The following PAG1 variants were observed in gnomAD, a reference collection of about 807,000 sequenced individuals.
PAG1 encodes the protein phosphoprotein membrane anchor with glycosphingolipid microdomains 1, also known as phosphoprotein associated with glycosphingolipid-enriched microdomains 1.
Under a neutral mutation model 31.7 loss-of-function variants are expected in PAG1, and 23 were observed. The observed-to-expected ratio is 0.73, with a 90% CI of 0.52 to 1.03. The LOEUF (loss-of-function observed/expected upper bound fraction) is 1.03, where lower values mean the gene tolerates loss of function less well. Ranked by LOEUF, PAG1 falls within the 50% of genes least tolerant of loss-of-function variation. The probability of loss-of-function intolerance (pLI) is 0.00; values close to 1 mark genes in which losing one functional copy is unlikely to be tolerated. For synonymous variants in PAG1, 214 were observed against 210.3 expected, an observed-to-expected ratio of 1.02 and a Z score of -0.15; for missense variants, 473 against 540.7, an observed-to-expected ratio of 0.87 and a Z score of 1.24.
intron 3 of PAG1, among the ~76,000 whole-genome samples, chr8:80,997,926 CTTG>C (rs1053240043): frequency 9.2e-5 from 14 of 152,248 alleles, no homozygotes; most frequent in Non-Finnish European, 1.5e-4. Context: ...ACTGTGAGAA[CTTG>C]TTGTTTAGCC....
intron 3 of PAG1, among the ~76,000 whole-genome samples, chr8:80,998,274 C>T (rs774973664): frequency 1.3e-5 from 2 of 152,016 alleles, no homozygotes; most frequent in South Asian, 2.1e-4. Flanking sequence ...GGACTTCAGG[C>T]GCGCGCCACC....
intron 2 of PAG1, among the ~76,000 whole-genome samples, chr8:81,034,753 T>C (rs927071103): frequency 6.6e-6 from 1 of 152,196 alleles, no homozygotes; most frequent in Non-Finnish European, 1.5e-5. Flanking sequence ...ACCCTTCAGA[T>C]ACTGGAAGAC....
chr8:80,993,790 G>C (rs1253676993), intron 3 of PAG1, among the ~76,000 whole-genome samples: 1 of 150,766 alleles, frequency 6.6e-6, no homozygotes, highest in East Asian at 2.0e-4. Context: ...ATTTTTTGTA[G>C]AGACGAAGTC....
chr8:81,060,217 G>A (rs185903759), intron 2 of PAG1, among the ~76,000 whole-genome samples: 324 of 152,278 alleles, frequency 2.1e-3, no homozygotes, highest in South Asian at 3.5e-3. Context: ...AAACAATTCA[G>A]TGTTTTCAGG....
intron 1 of PAG1, among the ~76,000 whole-genome samples, chr8:81,104,177 G>C (rs775012179): frequency 7.3e-5 from 11 of 150,720 alleles, no homozygotes; most frequent in Non-Finnish European, 1.6e-4. Context: ...TGTGTAGATG[G>C]AAGCAAGTTA....
At chr8:81,097,143 G>C (rs762540010) in intron 1 of PAG1, among the ~76,000 whole-genome samples, 1 of 152,192 alleles carries the variant, frequency 6.6e-6, no homozygotes, top group Non-Finnish European at 1.5e-5. Context: ...AAACTACCAA[G>C]GTTGGGGCCC....
intron 1 of PAG1, among the ~76,000 whole-genome samples, chr8:81,097,588 G>A (rs1243922196): frequency 2.0e-5 from 3 of 152,028 alleles, no homozygotes. Context: ...TATGAAAGAA[G>A]TCTGTGGGTA....
intron 1 of PAG1, among the ~76,000 whole-genome samples, chr8:81,101,234 C>G (rs1025834841): frequency 6.6e-6 from 1 of 152,176 alleles, no homozygotes; most frequent in Non-Finnish European, 1.5e-5. Flanking sequence ...TTTAATAAGA[C>G]TCCAGATGTT....
At chr8:81,110,974 G>A (rs1261928418) in intron 1 of PAG1, among the ~76,000 whole-genome samples, 1 of 152,230 alleles carries the variant, frequency 6.6e-6, no homozygotes, top group African/African-American at 2.4e-5. Context: ...AAATCCAAGT[G>A]TCATTATCTG....
chr8:81,056,441 A>G (rs1808824067), intron 2 of PAG1, among the ~76,000 whole-genome samples: 1 of 152,176 alleles, frequency 6.6e-6, no homozygotes, highest in South Asian at 2.1e-4. Flanking sequence ...CTGATCTTTG[A>G]CAAACCTGAC....
intron 2 of PAG1, among the ~76,000 whole-genome samples, chr8:81,050,781 G>T (rs1357340625): frequency 2.0e-5 from 3 of 152,176 alleles, no homozygotes; most frequent in Non-Finnish European, 4.4e-5. Context: ...TCCATCAGCT[G>T]GTGAGTCAAC....
chr8:81,018,256 A>C (rs1226226450), intron 3 of PAG1, among the ~76,000 whole-genome samples: 1 of 152,276 alleles, frequency 6.6e-6, no homozygotes, highest in Non-Finnish European at 1.5e-5. Context: ...ATTGCATTTA[A>C]GTGTACAATC....
chr8:81,038,195 T>C (rs755194842), intron 2 of PAG1, among the ~76,000 whole-genome samples: 2 of 152,200 alleles, frequency 1.3e-5, no homozygotes, highest in Non-Finnish European at 2.9e-5. Flanking sequence ...CAAGAAAGAC[T>C]TCCCTTTCCC....
At chr8:81,079,322 C>T (rs1191057617) in intron 1 of PAG1, among the ~76,000 whole-genome samples, 1 of 152,028 alleles carries the variant, frequency 6.6e-6, no homozygotes. Flanking sequence ...ATCTACTCCT[C>T]GACTGGAAAA....
chr8:81,040,337 A>G (rs185865669), intron 2 of PAG1, among the ~76,000 whole-genome samples: 1 of 152,314 alleles, frequency 6.6e-6, no homozygotes, highest in East Asian at 1.9e-4. Flanking sequence ...CTGAGGTCTG[A>G]GCCACAAACA....
intron 7 of PAG1, among the ~76,000 whole-genome samples, chr8:80,981,939 C>T (rs1321006097): frequency 2.2e-5 from 3 of 139,054 alleles, no homozygotes; most frequent in Admixed American, 7.5e-5. Context: ...GATCTTGGCT[C>T]ACTGCAGCCT....
intron 6 of PAG1, among the ~76,000 whole-genome samples, 185 bp downstream of exon 6, chr8:80,987,185 T>C (rs1322891835): frequency 1.3e-5 from 2 of 152,212 alleles, no homozygotes; most frequent in African/African-American, 4.8e-5. Flanking sequence ...GAACAATGCC[T>C]GGCACACAGA....
chr8:81,068,767 A>T (rs1276339170), intron 2 of PAG1, among the ~76,000 whole-genome samples: 1 of 152,240 alleles, frequency 6.6e-6, no homozygotes, highest in Non-Finnish European at 1.5e-5. Flanking sequence ...AAACTCAAGA[A>T]GTCAGCCATG....
At chr8:81,055,075 C>CTTTTTTTT (rs773535023) in intron 2 of PAG1, among the ~76,000 whole-genome samples, 3 of 138,926 alleles carry the variant, frequency 2.2e-5, no homozygotes, top group African/African-American at 2.7e-5. Flanking sequence ...CTTTTTTTTT[C>CTTTTTTTT]TTTTTTTTTT....
Sources: gnomAD v4.1 joint callset for allele counts (sites outside exome capture counted in the v4.1 genomes callset) on GRCh38, gnomAD v4.1.1 for gene constraint, MANE v1.5 for transcripts, NCBI Gene and HGNC (gene_info 2026-07-23, HGNC 2026-07-21) for gene names.